The following PAWR variants were observed in gnomAD, a reference collection of about 807,000 sequenced individuals.
PAWR encodes the protein PRKC apoptosis WT1 regulator protein.
In PAWR, 23 loss-of-function variants were observed where a neutral mutation model predicts 32.0. The ratio of observed to expected loss-of-function variants is 0.72; its 90% CI spans 0.52 to 1.02. The LOEUF (loss-of-function observed/expected upper bound fraction) is 1.02. PAWR is among the 50% of genes least tolerant of loss of function. PAWR has a pLI of 0.00. For synonymous variants in PAWR, 226 were observed against 187.1 expected, an observed-to-expected ratio of 1.21 and a Z score of -1.70; for missense variants, 457 against 437.7, an observed-to-expected ratio of 1.04 and a Z score of -0.39.
chr12:79,679,864 CTT>C (rs540695509), intron 2 of PAWR, among the ~76,000 whole-genome samples: 270 of 152,246 alleles, frequency 1.8e-3, no homozygotes, highest in African/African-American at 5.8e-3. Flanking sequence ...GAAATCTATT[CTT>C]TCTTTCCTTT....
intron 2 of PAWR, among the ~76,000 whole-genome samples, chr12:79,631,401 ATCTTCT>A (rs1265121346): frequency 6.6e-6 from 1 of 152,238 alleles, no homozygotes; most frequent in Non-Finnish European, 1.5e-5. Context: ...AGATGGCATT[ATCTTCT>A]ATATAGAATA....
At chr12:79,600,647 G>C in intron 4 of PAWR, among the ~76,000 whole-genome samples, 1 of 124,744 alleles carries the variant, frequency 8.0e-6, no homozygotes, top group South Asian at 2.3e-4. Flanking sequence ...ACCATACCTG[G>C]CTTTTTTTTT....
intron 2 of PAWR, among the ~76,000 whole-genome samples, chr12:79,641,572 G>A (rs887581294): frequency 6.6e-6 from 1 of 152,082 alleles, no homozygotes; most frequent in African/African-American, 2.4e-5. Flanking sequence ...TGATTGGCCA[G>A]GCGCGGTGGC....
intron 2 of PAWR, among the ~76,000 whole-genome samples, chr12:79,667,514 AAAT>A (rs1447509880): frequency 2.6e-5 from 4 of 152,226 alleles, no homozygotes; most frequent in Non-Finnish European, 4.4e-5. Context: ...AACTGTGAAA[AAAT>A]AATACAGGAA....
At chr12:79,684,251 A>G (rs1878578243) in intron 2 of PAWR, among the ~76,000 whole-genome samples, 1 of 152,172 alleles carries the variant, frequency 6.6e-6, no homozygotes, top group African/African-American at 2.4e-5. Flanking sequence ...CAACCTTGCT[A>G]TTAAATGGCA....
chr12:79,689,608 G>T (rs974611457), intron 2 of PAWR, 121 bp downstream of exon 2: 82 of 1,123,012 alleles, frequency 7.3e-5, no homozygotes, highest in Non-Finnish European at 9.5e-5. Flanking sequence ...CTAACTCGGT[G>T]AAGGGACAAG....
rs569978330 is a variant in PAWR at position 79,595,569 on chromosome 12, G to A, written c.831+942C>T. 6.6e-5 allele frequency among the ~76,000 whole-genome samples: 10 copies of A among 152,300 alleles called. No homozygotes were observed. In the South Asian group the frequency reaches 1.9e-3, roughly 28 times the overall value. ...ATTTAAAATTATGAAATAATAGGCT[G>A]GGCACAGTGGCTCACGCCTGTAATT... On this transcript the variant is annotated intron_variant, in intron 5 of 6. Transcript: ENST00000328827.
At chr12:79,618,780 C>T (rs1874866292) in intron 3 of PAWR, among the ~76,000 whole-genome samples, 1 of 152,052 alleles carries the variant, frequency 6.6e-6, no homozygotes, top group African/African-American at 2.4e-5. Flanking sequence ...GAACAAAATT[C>T]CACACAAATA....
intron 3 of PAWR, among the ~76,000 whole-genome samples, chr12:79,614,068 T>C (rs1168180969): frequency 7.7e-6 from 1 of 129,788 alleles, no homozygotes; most frequent in African/African-American, 2.8e-5. Flanking sequence ...TACAGTGCAA[T>C]GGTGTCATCT....
At position 79,585,311 on chromosome 12, in the gene PAWR, A is replaced by G; in HGVS notation, c.*7296T>C. 3.8e-6 allele frequency: 1 copy of G among 265,330 alleles called. No homozygotes were observed. The highest frequency in any genetic ancestry group is 7.3e-6 in the Non-Finnish European group (1 of 136,186). 16.4% of individuals were successfully genotyped at this position (265,330 alleles called of 1,614,324 possible). A position where few individuals can be genotyped will look rare whatever the true frequency, so the allele number is the denominator to read the frequency against. On this transcript the variant is annotated 3_prime_UTR_variant, in exon 7 of 7. Coordinates refer to ENST00000328827, the MANE Select transcript of PAWR (RefSeq NM_002583.4). ...AATTACATGAAGCGCTTGTTAAAACAGATTGAGCCCCATCTGCAAAGTTTG... is the reference window on the plus strand; with the variant it reads ...AATTACATGAAGCGCTTGTTAAAACGGATTGAGCCCCATCTGCAAAGTTTG...
chr12:79,686,320 C>T (rs542196233), intron 2 of PAWR, among the ~76,000 whole-genome samples: 7 of 152,130 alleles, frequency 4.6e-5, no homozygotes, highest in Non-Finnish European at 8.8e-5. Context: ...GGGTTAGGTA[C>T]CCTGCTCAGG....
chr12:79,623,980 T>C (rs1171916098), intron 2 of PAWR, among the ~76,000 whole-genome samples: 2 of 152,158 alleles, frequency 1.3e-5, no homozygotes, highest in East Asian at 3.8e-4. Context: ...AATCATTTAA[T>C]GAACAGTAGG....
At chr12:79,688,246 TG>T (rs376856932) in intron 2 of PAWR, 23 of 151,968 alleles carry the variant, frequency 1.5e-4, no homozygotes, top group African/African-American at 5.5e-4. Flanking sequence ...AAAAAGTACT[TG>T]AAAAATAATT....
At chr12:79,648,428 A>T (rs1876680286) in intron 2 of PAWR, among the ~76,000 whole-genome samples, 1 of 152,126 alleles carries the variant, frequency 6.6e-6, no homozygotes, top group African/African-American at 2.4e-5. Flanking sequence ...AAACAAAGTC[A>T]GAAGTTATTG....
At chr12:79,594,234 T>C (rs564343262) in intron 6 of PAWR, 95 bp downstream of exon 6, 67 of 571,948 alleles carry the variant, frequency 1.2e-4, no homozygotes, top group African/African-American at 1.2e-3. Context: ...AAGAACAAAG[T>C]GAATAATGCA....
intron 2 of PAWR, among the ~76,000 whole-genome samples, chr12:79,638,670 T>C (rs1464575182): frequency 1.3e-5 from 2 of 151,110 alleles, no homozygotes; most frequent in African/African-American, 2.4e-5. Context: ...CGGCAGTGGG[T>C]TGTATGAATA....
At chr12:79,604,194 T>A in intron 4 of PAWR, 1 of 968,942 alleles carries the variant, frequency 1.0e-6, no homozygotes, top group Non-Finnish European at 1.2e-6. Context: ...TTTTAACATT[T>A]TACTTAGGAA....
At chr12:79,655,424 A>C (rs1404299779) in intron 2 of PAWR, among the ~76,000 whole-genome samples, 1 of 152,220 alleles carries the variant, frequency 6.6e-6, no homozygotes, top group African/African-American at 2.4e-5. Context: ...ACTAAAACAT[A>C]GGTTCTTATT....
chr12:79,635,036 C>T (rs148766449), intron 2 of PAWR, among the ~76,000 whole-genome samples: 71 of 152,226 alleles, frequency 4.7e-4, no homozygotes, highest in Middle Eastern at 6.8e-3. Flanking sequence ...CATAACCTCA[C>T]ATATCCTAAT....
Sources: gnomAD v4.1 joint callset for allele counts (sites outside exome capture counted in the v4.1 genomes callset) on GRCh38, gnomAD v4.1.1 for gene constraint, MANE v1.5 for transcripts, NCBI Gene and HGNC (gene_info 2026-07-23, HGNC 2026-07-21) for gene names.